Variants in NECTIN2 observed in about 807,000 individuals in gnomAD.
NECTIN2 encodes nectin cell adhesion molecule 2.
Under a neutral mutation model 56.9 loss-of-function variants are expected in NECTIN2, and 23 were observed. The ratio of observed to expected loss-of-function variants is 0.40; its 90% confidence interval spans 0.29 to 0.57. NECTIN2 has a LOEUF of 0.57. NECTIN2 is among the 20% of genes least tolerant of loss of function. The pLI is 0.38. For synonymous variants in NECTIN2, 302 were observed against 313.8 expected (o/e 0.96, Z 0.40); for missense variants, 587 against 718.3 (o/e 0.82, Z 2.09).
intron 1 of NECTIN2, among the ~76,000 whole-genome samples, chr19:44,853,940 A>G (rs1286015208): frequency 1.3e-5 from 2 of 152,162 alleles, no homozygotes; most frequent in Non-Finnish European, 2.9e-5. Context: ...GGAGGATGTG[A>G]TATATCTAGT....
In NECTIN2 at chr19:44,846,318, C is replaced by A; in HGVS notation, c.-208C>A. ...TCCTGTGACGTCAGCGGGTTCGAAC[C>A]GCCGGAGCTGAGCGAGAGGCCGGGG... On this transcript the variant is annotated 5_prime_UTR_variant, in exon 1 of 9. Transcript: ENST00000252483. 1.9e-6 allele frequency: 1 copy of A among 531,158 alleles called. No individual in the cohort carries two copies. Among genetic ancestry groups the A allele is most frequent in the Non-Finnish European group, 3.1e-6 (1 of 327,290 alleles). The allele number at this position is 531,158 out of a possible 1,614,324, so 32.9% of individuals were successfully genotyped here. A position where few individuals can be genotyped will look rare whatever the true frequency, so the allele number is the denominator to read the frequency against.
Position 44,846,344 on chromosome 19 carries a change from G to T in NECTIN2, c.-182G>T, listed in dbSNP as rs1406017267. The T allele has an allele frequency of 7.4e-6, 5 of 674,628 alleles. No individual in the cohort carries two copies. Among genetic ancestry groups the T allele is most frequent in the South Asian group, 2.9e-5 (1 of 34,522 alleles). The allele number at this position is 674,628 out of a possible 1,614,324, so 41.8% of individuals were successfully genotyped here. On this transcript the variant is annotated 5_prime_UTR_variant, in exon 1 of 9. Coordinates refer to ENST00000252483, the MANE Select transcript of NECTIN2 (RefSeq NM_001042724.2). ...GCCGGAGCTGAGCGAGAGGCCGGGG[G>T]TGCCGAGCCGGGCGGGGAGAGCTGG...
intron 5 of NECTIN2, among the ~76,000 whole-genome samples, chr19:44,880,932 C>T (rs948294973): frequency 6.6e-6 from 1 of 151,968 alleles, no homozygotes; most frequent in Non-Finnish European, 1.5e-5. Flanking sequence ...GCTAGCATGC[C>T]CAGCTAACAT....
rs761283169 is a variant in NECTIN2, at chr19:44,874,466, A to G, written c.1030A>G (p.Ile344Val). The G allele has an allele frequency of 6.2e-7, 1 of 1,613,682 alleles. No homozygotes were observed. The highest frequency in any genetic ancestry group is 8.5e-7 in the Non-Finnish European group (1 of 1,180,008). ...AVGMGRAEQV[I>V]FVRETPNTAG... ...GGGCATGGGCCGCGCTGAGCAGGTC[A>G]TCTTTGTCCGAGGTGAGTGGGTCTT... The change falls in exon 5 of 9, where the codon ATC becomes GTC. Residue 344 changes from isoleucine (I) to valine (V), a missense_variant. Transcript: ENST00000252483. The surrounding 1 kb of genome is among the most constrained non-coding windows in gnomAD (Gnocchi z 6.3).
intron 2 of NECTIN2, among the ~76,000 whole-genome samples, chr19:44,870,283 T>C (rs940781371): frequency 1.3e-5 from 2 of 151,828 alleles, no homozygotes; most frequent in African/African-American, 2.4e-5. Flanking sequence ...GGGCCCTGAG[T>C]CACTATTCTA....
At chr19:44,873,094 A>C (rs1969196542) in intron 3 of NECTIN2, among the ~76,000 whole-genome samples, 1 of 151,448 alleles carries the variant, frequency 6.6e-6, no homozygotes. Flanking sequence ...TGGCTTAACC[A>C]CCTCTTCCAC....
rs752149917 is a variant in NECTIN2, at chr19:44,878,638, ACAGAGC to A, written c.1043-3569_1043-3564del. ...ATGTGTGACCTGGACACAGACAGAG[ACAGAGC>A]CAGGCCCGGCCCTCCCGCCCCCGAC... On this transcript the variant is annotated intron_variant, in intron 5 of 8. Transcript: ENST00000252483. 5.1e-6 allele frequency: 8 copies of A among 1,570,842 alleles called. 1 individual carries two copies. The African/African-American group carries it at 9.4e-5, about 19-fold the overall frequency.
intron 5 of NECTIN2, among the ~76,000 whole-genome samples, chr19:44,881,173 G>A (rs529747339): frequency 1.1e-4 from 16 of 152,124 alleles, no homozygotes; most frequent in Non-Finnish European, 1.9e-4. Context: ...CTCCCAAAGC[G>A]CTGGGATTAC....
Position 44,882,206 on chromosome 19 carries a change from T to C in NECTIN2, c.1043-5T>C, listed in dbSNP as rs757253801. On this transcript the variant is annotated splice_region_variant and splice_polypyrimidine_tract_variant and intron_variant, in intron 5 of 8. Coordinates refer to ENST00000252483, the MANE Select transcript of NECTIN2 (RefSeq NM_001042724.2). Reference sequence around the variant, plus strand: ...GACCCCCTCACGCTGTCCCTCTCCTTGCAGAGACCCCCAACACAGCAGGCG... The same window carrying C: ...GACCCCCTCACGCTGTCCCTCTCCTCGCAGAGACCCCCAACACAGCAGGCG... 3 of 1,453,836 alleles carry C rather than the reference T, an allele frequency of 2.1e-6. No homozygotes were observed. Among genetic ancestry groups the C allele is most frequent in the South Asian group, 2.9e-5 (2 of 69,964 alleles). The allele number at this position is 1,453,836 out of a possible 1,614,324, so 90.1% of individuals were successfully genotyped here. A position where few individuals can be genotyped will look rare whatever the true frequency, so the allele number is the denominator to read the frequency against.
intron 1 of NECTIN2, 54 bp downstream of exon 1, chr19:44,846,667 T>C: frequency 1.3e-6 from 2 of 1,485,754 alleles, no homozygotes; most frequent in African/African-American, 1.5e-5. Flanking sequence ...CAACCTTACC[T>C]TCCGAGCTGG....
intron 5 of NECTIN2, 63 bp from the exon 6 acceptor site, chr19:44,882,148 G>A (rs1033190423): frequency 2.0e-5 from 26 of 1,333,026 alleles, no homozygotes; most frequent in African/African-American, 3.0e-5. Context: ...TGGGATGGTC[G>A]CTTGGAATAA....
chr19:44,877,308 T>G (rs1029905626), intron 5 of NECTIN2, among the ~76,000 whole-genome samples: 1 of 152,042 alleles, frequency 6.6e-6, no homozygotes, highest in East Asian at 1.9e-4. Context: ...GGGAAGTGGA[T>G]GTGGGTAGGT....
chr19:44,877,397 C>G (rs1969251804), intron 5 of NECTIN2, among the ~76,000 whole-genome samples: 1 of 152,186 alleles, frequency 6.6e-6, no homozygotes, highest in South Asian at 2.1e-4. Context: ...CTCCTCAGCA[C>G]TTCATGGCTT....
chr19:44,858,335 T>C (rs1053859220), intron 1 of NECTIN2, among the ~76,000 whole-genome samples: 2 of 151,202 alleles, frequency 1.3e-5, no homozygotes, highest in Admixed American at 6.6e-5. Flanking sequence ...CTTTTTTTTT[T>C]ATATTTATTT....
At chr19:44,856,043 A>C (rs1167271431) in intron 1 of NECTIN2, among the ~76,000 whole-genome samples, 1 of 152,168 alleles carries the variant, frequency 6.6e-6, no homozygotes, top group Non-Finnish European at 1.5e-5. Context: ...GCTCACGCCT[A>C]TAATCCCAGC....
chr19:44,888,360 C>T lies in NECTIN2; in HGVS notation c.1598C>T (p.Ser533Phe). The change falls in exon 9 of 9, where the codon TCC becomes TTC. Residue 533 changes from serine to phenylalanine, a missense_variant. Transcript: ENST00000252483. ...TACCAGGGCAAAGGCTTTGTCATGT[C>T]CCGGGCCATGTATGTGTGAGCTGCC... ...DSYQGKGFVMSRAMYV is the reference protein window; with the variant it reads ...DSYQGKGFVMFRAMYV The T allele has an allele frequency of 1.9e-6, 3 of 1,612,568 alleles. No homozygotes were observed. The highest frequency in any genetic ancestry group is 2.5e-6 in the Non-Finnish European group (3 of 1,178,752).
At chr19:44,853,079 C>T (rs1452049893) in intron 1 of NECTIN2, among the ~76,000 whole-genome samples, 1 of 151,690 alleles carries the variant, frequency 6.6e-6, no homozygotes, top group African/African-American at 2.4e-5. Flanking sequence ...GCACTCCACC[C>T]TGAGCAACGG....
intron 2 of NECTIN2, among the ~76,000 whole-genome samples, chr19:44,869,820 A>G (rs1338717492): frequency 6.6e-6 from 1 of 152,050 alleles, no homozygotes; most frequent in African/African-American, 2.4e-5. Context: ...ATGGTGGCGC[A>G]CACCTGTAAT....
At chr19:44,864,311 C>T (rs1969071195) in intron 1 of NECTIN2, among the ~76,000 whole-genome samples, 1 of 113,220 alleles carries the variant, frequency 8.8e-6, no homozygotes, top group South Asian at 2.7e-4. Context: ...GAGGCCCTGT[C>T]TGAGAAAAAA....
Sources: allele counts gnomAD v4.1 joint callset (sites outside exome capture counted in the v4.1 genomes callset), GRCh38; gene constraint gnomAD v4.1.1; non-coding constraint Gnocchi (gnomAD v3.1); transcripts MANE v1.5; gene names NCBI Gene and HGNC (gene_info 2026-07-23, HGNC 2026-07-21).